SVOP: variants seen among roughly 807,000 people sequenced by gnomAD.
SVOP encodes the protein synaptic vesicle 2-related protein.
Under a neutral mutation model 69.1 loss-of-function variants are expected in SVOP, and 17 were observed. The ratio of observed to expected loss-of-function variants is 0.25; its 90% confidence interval spans 0.17 to 0.37. The LOEUF is 0.37. SVOP is among the 10% of genes least tolerant of loss of function. SVOP has a pLI of 1.00. For synonymous variants in SVOP, 238 were observed against 238.6 expected (o/e 1.00, Z 0.02); for missense variants, 435 against 597.5 (o/e 0.73, Z 2.84).
At chr12:108,956,714 C>A (rs1188497525) in intron 6 of SVOP, among the ~76,000 whole-genome samples, 1 of 152,128 alleles carries the variant, frequency 6.6e-6, no homozygotes, top group Non-Finnish European at 1.5e-5. Flanking sequence ...GACCCACTGA[C>A]AAAGGATCCA....
At chr12:108,952,573 G>T (rs1034055952) in intron 6 of SVOP, among the ~76,000 whole-genome samples, 1 of 152,078 alleles carries the variant, frequency 6.6e-6, no homozygotes, top group Non-Finnish European at 1.5e-5. Context: ...GGCCAGGCAC[G>T]GTGGCTCACA....
chr12:108,950,409 C>T (rs1009962578), intron 6 of SVOP, among the ~76,000 whole-genome samples: 3 of 148,218 alleles, frequency 2.0e-5, no homozygotes, highest in Non-Finnish European at 3.0e-5. Context: ...TTTGAGACAG[C>T]GTCTCATTCT....
intron 3 of SVOP, chr12:108,978,338 C>T (rs1593197741): frequency 2.1e-6 from 1 of 466,446 alleles, no homozygotes; most frequent in Non-Finnish European, 3.8e-6. Flanking sequence ...GAGTTGAAAG[C>T]CACCTAATTA....
chr12:108,953,487 G>A (rs576984866), intron 6 of SVOP, among the ~76,000 whole-genome samples: 1 of 152,282 alleles, frequency 6.6e-6, no homozygotes, highest in South Asian at 2.1e-4. Context: ...TACATTACAA[G>A]GACTTCTGGT....
At chr12:108,940,092 T>C (rs1190827876) in intron 8 of SVOP, among the ~76,000 whole-genome samples, 1 of 152,166 alleles carries the variant, frequency 6.6e-6, no homozygotes, top group Non-Finnish European at 1.5e-5. Context: ...CTGACTAATA[T>C]AGGGGTTCAT....
Position 108,922,780 on chromosome 12 carries a change from C to G in SVOP, c.1066G>C (p.Ala356Pro), listed in dbSNP as rs760946711. 1.2e-6 allele frequency: 2 copies of G among 1,608,330 alleles called. No individual in the cohort carries two copies. Among genetic ancestry groups the G allele is most frequent in the Non-Finnish European group, 1.7e-6 (2 of 1,177,642 alleles). ...GCCAGGCTGCATTTTGCCTCTACAG[C>G]CTTCTTCCGACTGGAGACTGGGGTT... ...DVCGISSRKKAVEAKCSLACE... is the reference protein window; with the variant it reads ...DVCGISSRKKPVEAKCSLACE... Residue 356 changes from alanine to proline, a missense_variant, in exon 12 of 16, where the codon GCT becomes CCT. Transcript: ENST00000610966.
chr12:108,981,379 CT>C (rs2040134484), intron 2 of SVOP, among the ~76,000 whole-genome samples: 1 of 152,160 alleles, frequency 6.6e-6, no homozygotes, highest in African/African-American at 2.4e-5. Flanking sequence ...TCATTGCCAC[CT>C]TATCTCTGCC....
intron 6 of SVOP, among the ~76,000 whole-genome samples, chr12:108,951,267 G>C (rs2039952282): frequency 6.6e-6 from 1 of 152,202 alleles, no homozygotes; most frequent in African/African-American, 2.4e-5. Flanking sequence ...CCTTACTCCA[G>C]GTTTCCCACC....
intron 11 of SVOP, among the ~76,000 whole-genome samples, chr12:108,931,706 C>T (rs909110143): frequency 3.3e-5 from 5 of 151,960 alleles, no homozygotes; most frequent in African/African-American, 4.8e-5. Context: ...TGATGGCGGT[C>T]GCCTGTAGTC....
Position 108,912,275 on chromosome 12 carries a change from G to A in SVOP, c.*260C>T, listed in dbSNP as rs958139620. On this transcript the variant is annotated 3_prime_UTR_variant, in exon 16 of 16. Transcript: ENST00000610966. ...TTACCAGACCCTCCTAATATGGGTAGTCTTCCCATGTAGATCCACAGGTTA... is the reference window on the plus strand; with the variant it reads ...TTACCAGACCCTCCTAATATGGGTAATCTTCCCATGTAGATCCACAGGTTA... 6 of 1,364,852 alleles carry A rather than the reference G, an allele frequency of 4.4e-6. No individual in the cohort carries two copies. The African/African-American group carries it at 7.3e-5, about 17-fold the overall frequency. 84.5% of individuals were successfully genotyped at this position (1,364,852 alleles called of 1,614,324 possible). A position where few individuals can be genotyped will look rare whatever the true frequency, so the allele number is the denominator to read the frequency against.
intron 1 of SVOP, among the ~76,000 whole-genome samples, chr12:109,020,043 C>T (rs1489519438): frequency 6.6e-6 from 1 of 152,180 alleles, no homozygotes; most frequent in Non-Finnish European, 1.5e-5. Flanking sequence ...TGCCCCCTCT[C>T]ATACTCTTGG....
chr12:109,015,852 C>T (rs759247257), intron 1 of SVOP, among the ~76,000 whole-genome samples: 42 of 152,034 alleles, frequency 2.8e-4, no homozygotes, highest in Non-Finnish European at 5.0e-4. Context: ...TAACTTGACT[C>T]CAAAGTTTCC....
intron 7 of SVOP, among the ~76,000 whole-genome samples, chr12:108,943,904 C>T (rs1405126536): frequency 6.7e-6 from 1 of 150,128 alleles, no homozygotes; most frequent in Non-Finnish European, 1.5e-5. Context: ...TTTTTTGAGA[C>T]AGAGTCTTGC....
Position 109,006,757 on chromosome 12 carries a change from G to A in SVOP, c.35+14077C>T, listed in dbSNP as rs76401209. ...ATAAAGAAGGCGGCTGGAGAGACCT[G>A]AGGCTCTGGCCTGATTGGTTTGTAT... On this transcript the variant is annotated intron_variant, in intron 1 of 15. Coordinates refer to ENST00000610966, the MANE Select transcript of SVOP (RefSeq NM_018711.5). Among the ~76,000 whole-genome samples, 520 of 152,282 alleles carry A rather than the reference G, an allele frequency of 3.4e-3. 4 individuals carry two copies. The highest frequency in any genetic ancestry group is 0.012 in the African/African-American group (506 of 41,560).
At position 108,912,557 on chromosome 12, in the gene SVOP, G is replaced by A. The variant is rs760202056; in HGVS notation, c.1625C>T (p.Ser542Leu). ...RGMHGAGVTR[S>L]NSGSQE Reference sequence around the variant, plus strand: ...TCACTATTCCTGAGAGCCAGAGTTCGACCTGGTAACACCTGCACCGTGCAT... The same window carrying A: ...TCACTATTCCTGAGAGCCAGAGTTCAACCTGGTAACACCTGCACCGTGCAT... Residue 542 changes from serine to leucine, a missense_variant, in exon 16 of 16, where the codon TCG (serine) becomes TTG (leucine). By Grantham distance (145) the Ser-to-Leu change is moderately radical. Transcript: ENST00000610966. 25 of 1,613,634 alleles carry A rather than the reference G, an allele frequency of 1.5e-5. No individual in the cohort carries two copies. The Admixed American group carries it at 1.7e-4, about 11-fold the overall frequency.
At chr12:108,984,590 T>C (rs1256742292) in intron 1 of SVOP, among the ~76,000 whole-genome samples, 1 of 152,198 alleles carries the variant, frequency 6.6e-6, no homozygotes, top group Non-Finnish European at 1.5e-5. Context: ...CGTGGCCCCA[T>C]TTGTCAGGCC....
At chr12:108,992,948 G>A (rs907673214) in intron 1 of SVOP, among the ~76,000 whole-genome samples, 1 of 152,198 alleles carries the variant, frequency 6.6e-6, no homozygotes, top group Non-Finnish European at 1.5e-5. Flanking sequence ...ACATGTGTCT[G>A]TAATCCTAGC....
At chr12:108,991,442 CTTGTTTGT>C (rs370214885) in intron 1 of SVOP, among the ~76,000 whole-genome samples, 25 of 14,028 alleles carry the variant, frequency 1.8e-3, no homozygotes, top group African/African-American at 5.6e-3. Flanking sequence ...TCGGGTTTTG[CTTGTTTGT>C]TTGTTTGTTT....
intron 11 of SVOP, 78 bp downstream of exon 11, chr12:108,934,117 G>T: frequency 7.9e-7 from 1 of 1,263,892 alleles, no homozygotes. Context: ...CAGAGCCTGG[G>T]GTGGGAGTGT....
Sources: gnomAD v4.1 joint callset for allele counts (sites outside exome capture counted in the v4.1 genomes callset) on GRCh38, gnomAD v4.1.1 for gene constraint, MANE v1.5 for transcripts, NCBI Gene and HGNC (gene_info 2026-07-23, HGNC 2026-07-21) for gene names.